Variants in P2RX7 observed in about 807,000 individuals in gnomAD.
P2RX7 encodes the protein P2X purinoceptor 7.
In P2RX7, 62 loss-of-function variants were observed where a neutral mutation model predicts 71.6. The ratio of observed to expected loss-of-function variants is 0.87; its 90% confidence interval spans 0.71 to 1.07. P2RX7 has a LOEUF of 1.07. P2RX7 is among the 50% of genes least tolerant of loss of function. The pLI is 0.00. For missense variants in P2RX7, 686 were observed against 748.5 expected, an observed-to-expected ratio of 0.92 and a Z score of 0.97; for synonymous variants, 299 against 283.3, an observed-to-expected ratio of 1.06 and a Z score of -0.56.
Position 121,132,895 on chromosome 12 carries a change from G to A in P2RX7, c.-76G>A. On this transcript the variant is annotated 5_prime_UTR_variant, in exon 1 of 13. Coordinates refer to ENST00000328963, the MANE Select transcript of P2RX7 (RefSeq NM_002562.6). ...AGTACGTTTCATTTTGCAGTTACTG[G>A]GAGGGGGCTTGCTGTGGCCCTGTCA... The A allele has an allele frequency of 3.2e-6, 5 of 1,570,976 alleles. No homozygotes were observed. Among genetic ancestry groups the A allele is most frequent in the Non-Finnish European group, 4.3e-6 (5 of 1,150,788 alleles).
chr12:121,178,355 A>T (rs1028257015), intron 11 of P2RX7, among the ~76,000 whole-genome samples: 3 of 152,226 alleles, frequency 2.0e-5, no homozygotes, highest in Admixed American at 1.3e-4. Context: ...AAAAAATGAG[A>T]TAGATAATAA....
intron 3 of P2RX7, 25 bp from the exon 4 acceptor site, chr12:121,160,877 C>G (rs1798710784): frequency 6.3e-7 from 1 of 1,576,576 alleles, no homozygotes; most frequent in South Asian, 1.1e-5. Context: ...ACTTACTCCC[C>G]ACTCTGTCAT....
chr12:121,171,228 G>A (rs1483668016), intron 8 of P2RX7, among the ~76,000 whole-genome samples: 3 of 152,220 alleles, frequency 2.0e-5, no homozygotes, highest in East Asian at 1.9e-4. Context: ...GATGCTCTAC[G>A]GGAGGGTCCT....
chr12:121,160,487 A>G (rs930420394), intron 3 of P2RX7, among the ~76,000 whole-genome samples: 2 of 152,092 alleles, frequency 1.3e-5, no homozygotes. Context: ...GAAACCCCAA[A>G]TCCAGTAGCA....
At chr12:121,160,852 T>G (rs1879523980) in intron 3 of P2RX7, 50 bp from the exon 4 acceptor site, 1 of 1,349,652 alleles carries the variant, frequency 7.4e-7, no homozygotes, top group Admixed American at 1.7e-5. Flanking sequence ...TCTCCACGTC[T>G]TAGTAACACA....
intron 5 of P2RX7, 142 bp from the exon 6 acceptor site, chr12:121,165,215 G>A: frequency 4.8e-6 from 3 of 631,004 alleles, no homozygotes; most frequent in Non-Finnish European, 8.4e-6. Context: ...AGAATGCTTT[G>A]CCCACTAGGT....
At chr12:121,178,984 C>T (rs1883643151) in intron 11 of P2RX7, among the ~76,000 whole-genome samples, 2 of 151,868 alleles carry the variant, frequency 1.3e-5, no homozygotes, top group Non-Finnish European at 2.9e-5. Context: ...AGTGTACACA[C>T]ACACACACAT....
chr12:121,145,833 G>C (rs1876068085), intron 1 of P2RX7, among the ~76,000 whole-genome samples: 1 of 152,108 alleles, frequency 6.6e-6, no homozygotes, highest in Admixed American at 6.6e-5. Flanking sequence ...AAGGGACTCA[G>C]CTATAAAGAA....
intron 8 of P2RX7, among the ~76,000 whole-genome samples, chr12:121,174,840 G>C (rs1393481841): frequency 6.6e-6 from 1 of 151,928 alleles, no homozygotes; most frequent in African/African-American, 2.4e-5. Context: ...GTCACTCTGA[G>C]ATGATGCAGG....
At chr12:121,152,387 G>A (rs1181446963) in intron 1 of P2RX7, among the ~76,000 whole-genome samples, 1 of 152,076 alleles carries the variant, frequency 6.6e-6, no homozygotes, top group East Asian at 1.9e-4. Context: ...GGAGTACAGG[G>A]GTGCAATCAC....
At chr12:121,162,634 A>G in intron 5 of P2RX7, 114 bp downstream of exon 5, 1 of 1,302,056 alleles carries the variant, frequency 7.7e-7, no homozygotes. Flanking sequence ...CCTGGGTCCT[A>G]CCGGCTTGGG....
At chr12:121,139,168 C>G (rs1308694803) in intron 1 of P2RX7, among the ~76,000 whole-genome samples, 1 of 152,212 alleles carries the variant, frequency 6.6e-6, no homozygotes, top group Non-Finnish European at 1.5e-5. Flanking sequence ...TCTTGAACTC[C>G]TGACCTCAGG....
intron 1 of P2RX7, among the ~76,000 whole-genome samples, chr12:121,137,777 A>T (rs1224572799): frequency 2.0e-5 from 3 of 152,204 alleles, no homozygotes; most frequent in African/African-American, 7.2e-5. Context: ...ACTGGTGTGG[A>T]CCACAGGTGG....
Position 121,177,466 on chromosome 12 carries a change from A to C in P2RX7, c.1188+20A>C. The C allele has an allele frequency of 6.2e-7, 1 of 1,610,338 alleles. No homozygotes were observed. The highest frequency in any genetic ancestry group is 8.5e-7 in the Non-Finnish European group (1 of 1,177,918). On this transcript the variant is annotated intron_variant, in intron 11 of 12. Transcript: ENST00000328963. ...AAGCCGGTGAGGCCGCTGTGTTCAC[A>C]GGACACCAAGACATGGAGAGATTCC...
rs566672912 is a variant in P2RX7, at chr12:121,149,358, A to G, written c.126-5427A>G. Among the ~76,000 whole-genome samples, 72 of 152,264 alleles carry G rather than the reference A, an allele frequency of 4.7e-4. No individual in the cohort carries two copies. Among genetic ancestry groups the G allele is most frequent in the Non-Finnish European group, 1.5e-5 (1 of 68,022 alleles). ...GTTCTCACGCTGCTAATAAAGACAT[A>G]CCCAAGACCAGGTAATTTATAAAGG... On this transcript the variant is annotated intron_variant, in intron 1 of 12. Coordinates refer to ENST00000328963, the MANE Select transcript of P2RX7 (RefSeq NM_002562.6). The surrounding 1 kb of genome is among the most constrained non-coding windows in gnomAD (Gnocchi z 4.7).
At chr12:121,175,632 G>C (rs11837130) in intron 9 of P2RX7, among the ~76,000 whole-genome samples, 154 bp downstream of exon 9, 4,806 of 152,126 alleles carry the variant, frequency 0.032, 250 homozygotes, top group African/African-American at 0.11. Context: ...AGATGTTCTC[G>C]GGCTGCTGTC....
In P2RX7 at chr12:121,186,947, C is replaced by T. The variant is rs983249174; in HGVS notation, c.*2145C>T. On this transcript the variant is annotated 3_prime_UTR_variant, in exon 13 of 13. Coordinates refer to ENST00000328963, the MANE Select transcript of P2RX7 (RefSeq NM_002562.6). ...AAGCTGGCTTTATGCCATTAACACT[C>T]TGTACTTTGCAGCCAATCAGAACTG... 6.6e-6 allele frequency: 1 copy of T among 152,240 alleles called. No individual in the cohort carries two copies. Among genetic ancestry groups the T allele is most frequent in the African/African-American group, 2.4e-5 (1 of 41,466 alleles). The allele number at this position is 152,240 out of a possible 1,614,324, so 9.4% of individuals were successfully genotyped here.
intron 1 of P2RX7, 65 bp downstream of exon 1, chr12:121,133,160 G>T: frequency 6.4e-7 from 1 of 1,572,678 alleles, no homozygotes; most frequent in Non-Finnish European, 8.7e-7. Flanking sequence ...GCCCCAGCGG[G>T]CAGCTTCAGG....
chr12:121,177,370 G>C lies in P2RX7; in HGVS notation c.1112G>C (p.Cys371Ser). ...NCCRSHIYPW[C>S]KCCQPCVVNE... is the part of the protein sequence containing the mutation. ...TGTCGCTCCCATATTTATCCCTGGTGCAAGTGCTGTCAGCCCTGTGTGGTC... is the reference window on the plus strand; with the variant it reads ...TGTCGCTCCCATATTTATCCCTGGTCCAAGTGCTGTCAGCCCTGTGTGGTC... Residue 371 changes from cysteine to serine, a missense_variant, in exon 11 of 13, where the codon TGC (cysteine) becomes TCC (serine). Coordinates refer to ENST00000328963, the MANE Select transcript of P2RX7 (RefSeq NM_002562.6). 6.2e-7 allele frequency: 1 copy of C among 1,614,012 alleles called. No individual in the cohort carries two copies. Among genetic ancestry groups the C allele is most frequent in the South Asian group, 1.1e-5 (1 of 91,074 alleles).
Sources: gnomAD v4.1 joint callset for allele counts (sites outside exome capture counted in the v4.1 genomes callset) on GRCh38, gnomAD v4.1.1 for gene constraint, Gnocchi (gnomAD v3.1) non-coding constraint, MANE v1.5 for transcripts, NCBI Gene and HGNC (gene_info 2026-07-23, HGNC 2026-07-21) for gene names.